Variants in ABCC1 observed in about 807,000 individuals in gnomAD.
The protein encoded by ABCC1 is ATP binding cassette subfamily C member 1 (ABCC1 blood group).
ABCC1 carries 83 observed loss-of-function variants against 172.9 expected under a neutral mutation model. The ratio of observed to expected loss-of-function variants is 0.48; its 90% CI spans 0.40 to 0.58. The LOEUF (loss-of-function observed/expected upper bound fraction) is 0.58, where lower values mean the gene tolerates loss of function less well. Ranked by LOEUF, ABCC1 falls within the 20% of genes least tolerant of loss-of-function variation. The pLI is 0.00. For synonymous variants in ABCC1, 937 were observed against 825.2 expected, an observed-to-expected ratio of 1.14 and a Z score of -2.32; for missense variants, 1,817 against 2,002.7, an observed-to-expected ratio of 0.91 and a Z score of 1.77.
intron 15 of ABCC1, 123 bp downstream of exon 15, chr16:16,076,524 A>C (rs1158962861): frequency 1.0e-6 from 1 of 952,774 alleles, no homozygotes; most frequent in South Asian, 1.8e-5. Flanking sequence ...TTGCCTTTCT[A>C]AGACTTAGCT....
chr16:15,978,366 TCAAACAAACAAACAAA>T (rs111918364), intron 1 of ABCC1, among the ~76,000 whole-genome samples: 4 of 151,948 alleles, frequency 2.6e-5, no homozygotes, highest in Non-Finnish European at 4.4e-5. Flanking sequence ...AAACCCCATC[TCAAACAAACAAACAAA>T]CAAACAAACA....
chr16:16,106,615 C>A, intron 20 of ABCC1, 123 bp from the exon 21 acceptor site: 2 of 1,132,540 alleles, frequency 1.8e-6, no homozygotes, highest in Non-Finnish European at 1.3e-6. Flanking sequence ...TACATGTGTG[C>A]ATGTGGAAAC....
chr16:16,097,061 A>G (rs1240753768), intron 19 of ABCC1, among the ~76,000 whole-genome samples: 1 of 151,914 alleles, frequency 6.6e-6, no homozygotes, highest in Non-Finnish European at 1.5e-5. Flanking sequence ...TTGTTCATTT[A>G]TTGTTGATCT....
chr16:16,120,100 C>A (rs1401822501), intron 23 of ABCC1, among the ~76,000 whole-genome samples: 2 of 152,104 alleles, frequency 1.3e-5, no homozygotes, highest in African/African-American at 4.8e-5. Context: ...CGTGCCGCCA[C>A]CCAGGAAGAA....
intron 20 of ABCC1, among the ~76,000 whole-genome samples, chr16:16,106,129 G>A (rs1408235885): frequency 2.0e-5 from 3 of 151,876 alleles, no homozygotes; most frequent in Non-Finnish European, 2.9e-5. Flanking sequence ...CGCCCACCTC[G>A]GCCTCCCAAA....
At chr16:16,109,979 TCTC>T (rs1420838103) in intron 21 of ABCC1, among the ~76,000 whole-genome samples, 1 of 152,142 alleles carries the variant, frequency 6.6e-6, no homozygotes, top group Non-Finnish European at 1.5e-5. Context: ...TGCCCCATGA[TCTC>T]CTGGCTCCAG....
chr16:16,134,289 G>A, intron 27 of ABCC1, 61 bp from the exon 28 acceptor site: 2 of 1,600,346 alleles, frequency 1.2e-6, no homozygotes, highest in South Asian at 2.2e-5. Context: ...AGGGCACTTT[G>A]GGGCAGGGAC....
chr16:16,090,648 T>G, intron 19 of ABCC1, 60 bp downstream of exon 19: 1 of 1,476,816 alleles, frequency 6.8e-7, no homozygotes, highest in Non-Finnish European at 9.0e-7. Flanking sequence ...AGGGCCACAT[T>G]GGCCTCTTTG....
At chr16:16,121,860 C>T (rs759942148) in intron 23 of ABCC1, 115 bp from the exon 24 acceptor site, 2 of 1,112,606 alleles carry the variant, frequency 1.8e-6, no homozygotes, top group Non-Finnish European at 2.6e-6. Context: ...CCGGCTCTAA[C>T]ATTTTGCCTC....
chr16:16,032,269 C>A (rs1474839921), intron 5 of ABCC1, among the ~76,000 whole-genome samples: 2 of 151,988 alleles, frequency 1.3e-5, no homozygotes, highest in African/African-American at 4.8e-5. Flanking sequence ...GATTACAGGC[C>A]CAGTTTCTTT....
intron 23 of ABCC1, 77 bp downstream of exon 23, chr16:16,115,153 A>C: frequency 6.9e-7 from 1 of 1,457,408 alleles, no homozygotes; most frequent in South Asian, 1.3e-5. Context: ...GCCTTGTTTT[A>C]TCTTACCATG....
intron 1 of ABCC1, among the ~76,000 whole-genome samples, chr16:15,979,323 A>T (rs926542808): frequency 6.6e-6 from 1 of 151,692 alleles, no homozygotes; most frequent in African/African-American, 2.4e-5. Context: ...AAAAAAACAA[A>T]ATTTTTTTTC....
intron 23 of ABCC1, among the ~76,000 whole-genome samples, chr16:16,117,634 G>A (rs116103078): frequency 3.5e-4 from 53 of 152,172 alleles, no homozygotes; most frequent in African/African-American, 1.3e-3. Context: ...GCCTAGGCAC[G>A]GTGGCTCACG....
At chr16:16,131,465 A>G (rs2045669382) in intron 26 of ABCC1, among the ~76,000 whole-genome samples, 2 of 152,098 alleles carry the variant, frequency 1.3e-5, no homozygotes, top group African/African-American at 4.8e-5. Context: ...CATTGAGTGG[A>G]TGGTGCAGTG....
chr16:16,079,818 G>GTT (rs796877584), intron 16 of ABCC1, among the ~76,000 whole-genome samples: 26 of 140,682 alleles, frequency 1.8e-4, no homozygotes, highest in African/African-American at 6.2e-4. Context: ...TTATTATTGT[G>GTT]TTTTTTTTTT....
At chr16:16,064,838 C>G (rs1043863973) in intron 12 of ABCC1, among the ~76,000 whole-genome samples, 1 of 152,212 alleles carries the variant, frequency 6.6e-6, no homozygotes, top group Non-Finnish European at 1.5e-5. Flanking sequence ...ATGGAACATT[C>G]ATTTTTCACG....
At chr16:16,127,418 T>C (rs55870846) in intron 26 of ABCC1, among the ~76,000 whole-genome samples, 3,664 of 152,200 alleles carry the variant, frequency 0.024, 68 homozygotes, top group Middle Eastern at 0.044. Flanking sequence ...AGACTCATCT[T>C]GATCTCCTGA....
chr16:16,095,566 C>T (rs559529990), intron 19 of ABCC1, among the ~76,000 whole-genome samples: 26 of 152,322 alleles, frequency 1.7e-4, no homozygotes, highest in South Asian at 1.2e-3. Context: ...ATCCAAAGCA[C>T]CACGAGCAAG....
chr16:16,124,425 G>A (rs2045345332), intron 24 of ABCC1, among the ~76,000 whole-genome samples: 1 of 150,552 alleles, frequency 6.6e-6, no homozygotes, highest in Non-Finnish European at 1.5e-5. Context: ...GTGTGTGTGT[G>A]ATTATAGGAG....
Sources: gnomAD v4.1 joint callset for allele counts (sites outside exome capture counted in the v4.1 genomes callset) on GRCh38, gnomAD v4.1.1 for gene constraint, MANE v1.5 for transcripts, NCBI Gene and HGNC (gene_info 2026-07-23, HGNC 2026-07-21) for gene names.